PPM1L: variants seen among roughly 807,000 people sequenced by gnomAD.
PPM1L encodes protein phosphatase, Mg2+/Mn2+ dependent 1L.
PPM1L carries 13 observed loss-of-function variants against 31.4 expected under a neutral mutation model. The observed-to-expected ratio is 0.41, with a 90% CI of 0.27 to 0.66. The LOEUF (loss-of-function observed/expected upper bound fraction) is 0.66, where lower values mean the gene tolerates loss of function less well. PPM1L is among the 30% of genes least tolerant of loss of function. The probability of loss-of-function intolerance (pLI) is 0.29; values close to 1 mark genes in which losing one functional copy is unlikely to be tolerated. For synonymous variants in PPM1L, 184 were observed against 175.4 expected, an observed-to-expected ratio of 1.05 and a Z score of -0.39; for missense variants, 326 against 453.7, an observed-to-expected ratio of 0.72 and a Z score of 2.56.
At chr3:160,965,447 A>G (rs1331746723) in intron 2 of PPM1L, among the ~76,000 whole-genome samples, 2 of 152,100 alleles carry the variant, frequency 1.3e-5, no homozygotes, top group African/African-American at 4.8e-5. Flanking sequence ...AGTATTCACT[A>G]AATTACATGA....
chr3:160,955,736 C>T lies in PPM1L; in HGVS notation c.400-6000C>T, dbSNP rs146384773. 7.2e-3 allele frequency among the ~76,000 whole-genome samples: 1,092 copies of T among 151,454 alleles called. 13 individuals are homozygous for T. Among genetic ancestry groups the T allele is most frequent in the African/African-American group, 0.025 (1,036 of 41,280 alleles). ...TGCAATTTCGGCTCACTGCAAGCTCCGCCTCCTGGGTTCACGCCATTCTCC... is the reference window on the plus strand; with the variant it reads ...TGCAATTTCGGCTCACTGCAAGCTCTGCCTCCTGGGTTCACGCCATTCTCC... On this transcript the variant is annotated intron_variant, in intron 1 of 3. Coordinates refer to ENST00000498165, the MANE Select transcript of PPM1L (RefSeq NM_139245.4).
chr3:160,936,866 A>G (rs1343032919), intron 1 of PPM1L, among the ~76,000 whole-genome samples: 2 of 152,208 alleles, frequency 1.3e-5, no homozygotes, highest in African/African-American at 2.4e-5. Flanking sequence ...ATAGTTATAC[A>G]GTGTTTGATA....
intron 1 of PPM1L, among the ~76,000 whole-genome samples, chr3:160,877,543 A>G (rs1436968163): frequency 3.0e-5 from 2 of 65,758 alleles, no homozygotes; most frequent in Admixed American, 1.4e-4. Context: ...TTGTTGTCTC[A>G]TGCCAAGGAA....
At chr3:160,982,795 TTC>T (rs1394510799) in intron 2 of PPM1L, among the ~76,000 whole-genome samples, 1 of 152,202 alleles carries the variant, frequency 6.6e-6, no homozygotes, top group Non-Finnish European at 1.5e-5. Context: ...CCACCTCTGA[TTC>T]TCTGTTCCTA....
At chr3:161,061,017 TA>T (rs1285199994) in intron 2 of PPM1L, among the ~76,000 whole-genome samples, 6 of 152,126 alleles carry the variant, frequency 3.9e-5, no homozygotes, top group South Asian at 4.2e-4. Flanking sequence ...CTCTTGGGCA[TA>T]ATGTCTTTTC....
chr3:160,925,464 G>A (rs2108075005), intron 1 of PPM1L, among the ~76,000 whole-genome samples: 1 of 152,252 alleles, frequency 6.6e-6, no homozygotes, highest in African/African-American at 2.4e-5. Flanking sequence ...TTGTTCTAAT[G>A]TGATTATTAT....
intron 1 of PPM1L, among the ~76,000 whole-genome samples, chr3:160,868,644 T>G (rs1023182176): frequency 6.6e-6 from 1 of 152,158 alleles, no homozygotes; most frequent in Non-Finnish European, 1.5e-5. Context: ...GATCTACTTA[T>G]TTTTGATGCA....
At chr3:160,843,469 T>TATATATATA (rs1713970089) in intron 1 of PPM1L, among the ~76,000 whole-genome samples, 6 of 133,830 alleles carry the variant, frequency 4.5e-5, no homozygotes, top group Non-Finnish European at 8.1e-5. Context: ...TATATATATA[T>TATATATATA]GTTTTTTTTA....
At chr3:160,923,592 C>T (rs934379097) in intron 1 of PPM1L, among the ~76,000 whole-genome samples, 2 of 152,132 alleles carry the variant, frequency 1.3e-5, no homozygotes, top group East Asian at 1.9e-4. Flanking sequence ...TCTCAAATCA[C>T]GTCACATCAA....
At chr3:161,001,057 T>C (rs1717463908) in intron 2 of PPM1L, among the ~76,000 whole-genome samples, 1 of 152,202 alleles carries the variant, frequency 6.6e-6, no homozygotes, top group African/African-American at 2.4e-5. Context: ...CTACTTCAAA[T>C]TATTGAGATT....
chr3:160,987,736 A>G (rs996009196), intron 2 of PPM1L, among the ~76,000 whole-genome samples: 2 of 152,232 alleles, frequency 1.3e-5, no homozygotes, highest in African/African-American at 4.8e-5. Context: ...TTCCTCTCCT[A>G]TATGACTTCA....
At chr3:160,801,412 G>A (rs77201185) in intron 1 of PPM1L, among the ~76,000 whole-genome samples, 1,853 of 152,002 alleles carry the variant, frequency 0.012, 32 homozygotes, top group African/African-American at 0.043. Flanking sequence ...GACTAGAGAA[G>A]TAGTAACCTG....
chr3:160,808,595 C>G (rs1280307248), intron 1 of PPM1L, among the ~76,000 whole-genome samples: 1 of 152,144 alleles, frequency 6.6e-6, no homozygotes, highest in East Asian at 1.9e-4. Flanking sequence ...CATCACTTGA[C>G]CTGGGAGGAG....
At chr3:160,851,693 A>T (rs1711529405) in intron 1 of PPM1L, among the ~76,000 whole-genome samples, 1 of 152,174 alleles carries the variant, frequency 6.6e-6, no homozygotes, top group South Asian at 2.1e-4. Context: ...CCTTGAGTAA[A>T]GCACTTAGTA....
intron 2 of PPM1L, among the ~76,000 whole-genome samples, chr3:161,027,415 CAGTT>C (rs1162234159): frequency 1.1e-4 from 16 of 152,130 alleles, no homozygotes; most frequent in South Asian, 4.1e-4. Context: ...AATGGACGTA[CAGTT>C]AGTTAGTTCC....
At chr3:160,869,984 ACT>A (rs979873775) in intron 1 of PPM1L, among the ~76,000 whole-genome samples, 21 of 152,120 alleles carry the variant, frequency 1.4e-4, no homozygotes, top group Admixed American at 5.2e-4. Context: ...TCCAGCTGCC[ACT>A]GTTACTCAAT....
At chr3:160,761,866 A>G (rs748684266) in intron 1 of PPM1L, among the ~76,000 whole-genome samples, 1 of 152,134 alleles carries the variant, frequency 6.6e-6, no homozygotes, top group Non-Finnish European at 1.5e-5. Flanking sequence ...TTCCCCTTAT[A>G]TAATTATCAG....
Position 160,920,623 on chromosome 3 carries a change from A to T in PPM1L, c.400-41113A>T, listed in dbSNP as rs947511405. Among the ~76,000 whole-genome samples the T allele has an allele frequency of 5.5e-3, 558 of 101,120 alleles. 3 individuals carry two copies. The highest frequency in any genetic ancestry group is 0.02 in the African/African-American group (505 of 25,154). 66.3% of individuals were successfully genotyped at this position (101,120 alleles called of 152,430 possible). A position where few individuals can be genotyped will look rare whatever the true frequency, so the allele number is the denominator to read the frequency against. Reference sequence around the variant, plus strand: ...CTCTCTCTCTCTCTCTCTCACACACACACACACACACACACTCACACACAC... The same window carrying T: ...CTCTCTCTCTCTCTCTCTCACACACTCACACACACACACACTCACACACAC... On this transcript the variant is annotated intron_variant, in intron 1 of 3. Transcript: ENST00000498165.
intron 1 of PPM1L, among the ~76,000 whole-genome samples, chr3:160,862,428 G>A (rs1220842293): frequency 6.6e-6 from 1 of 152,104 alleles, no homozygotes; most frequent in Non-Finnish European, 1.5e-5. Flanking sequence ...CTGGAAACCA[G>A]CTATCAATCT....
Sources: gnomAD v4.1 joint callset for allele counts (sites outside exome capture counted in the v4.1 genomes callset) on GRCh38, gnomAD v4.1.1 for gene constraint, MANE v1.5 for transcripts, NCBI Gene and HGNC (gene_info 2026-07-23, HGNC 2026-07-21) for gene names.